Variants in RABGAP1L observed in about 807,000 individuals in gnomAD.
RABGAP1L encodes the protein rab GTPase-activating protein 1-like.
A neutral mutation model predicts 137.7 loss-of-function variants in RABGAP1L; 63 were observed. The ratio of observed to expected loss-of-function variants is 0.46; its 90% CI spans 0.37 to 0.56. RABGAP1L has a LOEUF of 0.56. Among genes scored for constraint, RABGAP1L ranks in the 20% least tolerant of loss-of-function variants. RABGAP1L has a pLI of 0.00. For synonymous variants in RABGAP1L, 431 were observed against 433.7 expected (o/e 0.99, Z 0.08); for missense variants, 1,095 against 1,244.0 (o/e 0.88, Z 1.80).
intron 13 of RABGAP1L, among the ~76,000 whole-genome samples, chr1:174,536,009 T>A (rs938829044): frequency 3.9e-5 from 6 of 152,206 alleles, no homozygotes; most frequent in African/African-American, 7.2e-5. Context: ...GATAGCATAA[T>A]GTTATTGGAA....
chr1:174,296,548 C>T (rs554986117), intron 10 of RABGAP1L, among the ~76,000 whole-genome samples: 22 of 152,268 alleles, frequency 1.4e-4, no homozygotes, highest in South Asian at 6.2e-4. Flanking sequence ...TTAATTTCTT[C>T]GGCAGATTTG....
intron 14 of RABGAP1L, among the ~76,000 whole-genome samples, chr1:174,670,930 A>G (rs891490658): frequency 1.1e-4 from 16 of 152,116 alleles, no homozygotes; most frequent in Admixed American, 1.0e-3. Flanking sequence ...GCTGGATCAT[A>G]TGGTAGTTCC....
intron 19 of RABGAP1L, among the ~76,000 whole-genome samples, chr1:174,913,580 G>T (rs1239603013): frequency 1.3e-5 from 2 of 152,198 alleles, no homozygotes; most frequent in African/African-American, 2.4e-5. Context: ...AACTTCTATA[G>T]TAGAGAAAAG....
intron 13 of RABGAP1L, among the ~76,000 whole-genome samples, chr1:174,473,384 A>G (rs1339144277): frequency 2.0e-5 from 3 of 152,152 alleles, no homozygotes; most frequent in Non-Finnish European, 4.4e-5. Context: ...TTTTTAAAGC[A>G]TCTTATTTTC....
chr1:174,405,715 C>T (rs1186419542), intron 13 of RABGAP1L, among the ~76,000 whole-genome samples: 2 of 152,158 alleles, frequency 1.3e-5, no homozygotes, highest in South Asian at 2.1e-4. Context: ...CGGTGGCTCA[C>T]ACCTATAATC....
At chr1:174,578,468 C>G (rs1668522768) in intron 13 of RABGAP1L, among the ~76,000 whole-genome samples, 1 of 152,034 alleles carries the variant, frequency 6.6e-6, no homozygotes, top group Non-Finnish European at 1.5e-5. Context: ...GTTACCAAGC[C>G]TAGGCAGAAG....
chr1:174,255,201 G>A (rs1309474485), intron 7 of RABGAP1L, among the ~76,000 whole-genome samples: 1 of 152,076 alleles, frequency 6.6e-6, no homozygotes, highest in Non-Finnish European at 1.5e-5. Flanking sequence ...AAATAATGGT[G>A]AGTCTTAAAA....
chr1:174,768,848 A>G (rs1160208979), intron 18 of RABGAP1L, among the ~76,000 whole-genome samples: 5 of 152,178 alleles, frequency 3.3e-5, no homozygotes, highest in Non-Finnish European at 7.4e-5. Flanking sequence ...AATTCTTTTT[A>G]TTGAGGAGGC....
intron 14 of RABGAP1L, among the ~76,000 whole-genome samples, chr1:174,656,657 G>T (rs1033260024): frequency 2.6e-5 from 4 of 152,130 alleles, no homozygotes; most frequent in Non-Finnish European, 5.9e-5. Flanking sequence ...TGTTTTTATG[G>T]ATTTGTCTGG....
intron 13 of RABGAP1L, among the ~76,000 whole-genome samples, chr1:174,605,525 A>G (rs958428172): frequency 5.9e-5 from 9 of 151,462 alleles, no homozygotes; most frequent in African/African-American, 2.2e-4. Flanking sequence ...TTAATCTCCT[A>G]TTACAATTCT....
At chr1:174,358,010 A>G (rs1683789932) in intron 11 of RABGAP1L, among the ~76,000 whole-genome samples, 1 of 152,240 alleles carries the variant, frequency 6.6e-6, no homozygotes, top group Non-Finnish European at 1.5e-5. Flanking sequence ...AAGCACAGAG[A>G]GGTTAAATAC....
At chr1:174,596,513 G>C (rs1392808362) in intron 13 of RABGAP1L, among the ~76,000 whole-genome samples, 1 of 152,018 alleles carries the variant, frequency 6.6e-6, no homozygotes, top group Non-Finnish European at 1.5e-5. Context: ...TTCTTTTTCA[G>C]ATTGTTCATT....
At chr1:174,239,505 T>C (rs1671598522) in intron 4 of RABGAP1L, among the ~76,000 whole-genome samples, 1 of 152,216 alleles carries the variant, frequency 6.6e-6, no homozygotes, top group African/African-American at 2.4e-5. Flanking sequence ...TTAGTAAACA[T>C]TTTATCATAA....
chr1:174,842,237 C>G (rs1193702686), intron 19 of RABGAP1L, among the ~76,000 whole-genome samples: 2 of 152,166 alleles, frequency 1.3e-5, no homozygotes, highest in African/African-American at 4.8e-5. Flanking sequence ...TCTTCAGCAT[C>G]TTCTATATCA....
intron 6 of RABGAP1L, among the ~76,000 whole-genome samples, chr1:174,251,271 C>CT (rs566447117): frequency 3.2e-4 from 47 of 148,348 alleles, no homozygotes; most frequent in African/African-American, 9.1e-4. Flanking sequence ...ATATATATAC[C>CT]TTTTTTTTTT....
intron 13 of RABGAP1L, among the ~76,000 whole-genome samples, chr1:174,617,174 G>GAA (rs1305645498): frequency 6.6e-6 from 1 of 152,136 alleles, no homozygotes; most frequent in Non-Finnish European, 1.5e-5. Flanking sequence ...AAATGTAGAA[G>GAA]AAAAATCTCT....
chr1:174,428,452 A>G (rs567541057), intron 13 of RABGAP1L, among the ~76,000 whole-genome samples: 2 of 152,308 alleles, frequency 1.3e-5, no homozygotes, highest in East Asian at 1.9e-4. Flanking sequence ...TATTCTCTCT[A>G]ACCCTTTATC....
chr1:174,299,374 G>A (rs1677443625), intron 10 of RABGAP1L, among the ~76,000 whole-genome samples: 1 of 152,214 alleles, frequency 6.6e-6, no homozygotes, highest in African/African-American at 2.4e-5. Context: ...CAGGGACTGT[G>A]TAGACAAGGG....
At chr1:174,349,949 C>G (rs1162273347) in intron 11 of RABGAP1L, among the ~76,000 whole-genome samples, 1 of 131,474 alleles carries the variant, frequency 7.6e-6, no homozygotes, top group African/African-American at 2.8e-5. Context: ...GGCGGCTGGC[C>G]GGGTGGGGGG....
Sources: allele counts gnomAD v4.1 joint callset (sites outside exome capture counted in the v4.1 genomes callset), GRCh38; gene constraint gnomAD v4.1.1; transcripts MANE v1.5; gene names NCBI Gene and HGNC (gene_info 2026-07-23, HGNC 2026-07-21).